GRIN2B: variants seen among roughly 807,000 people sequenced by gnomAD.
The protein encoded by GRIN2B is glutamate receptor ionotropic, NMDA 2B.
A neutral mutation model predicts 114.5 loss-of-function variants in GRIN2B; 5 were observed. The ratio of observed to expected loss-of-function variants is 0.04; its 90% CI spans 0.02 to 0.09. The LOEUF (loss-of-function observed/expected upper bound fraction) is 0.09. Ranked by LOEUF, GRIN2B falls within the 10% of genes least tolerant of loss-of-function variation. The probability of loss-of-function intolerance (pLI) is 1.00; values close to 1 mark genes in which losing one functional copy is unlikely to be tolerated. For missense variants in GRIN2B, 1,108 were observed against 1,943.5 expected (o/e 0.57, Z 8.08); for synonymous variants, 787 against 745.1 (o/e 1.06, Z -0.92).
intron 5 of GRIN2B, among the ~76,000 whole-genome samples, chr12:13,651,130 A>C (rs374773740): frequency 1.2e-3 from 183 of 152,218 alleles, no homozygotes; most frequent in African/African-American, 4.1e-3. Flanking sequence ...CAAGAGAGAT[A>C]GCAAGAATAC....
intron 3 of GRIN2B, among the ~76,000 whole-genome samples, chr12:13,774,196 C>T (rs557934756): frequency 3.6e-4 from 55 of 152,336 alleles, no homozygotes; most frequent in African/African-American, 1.3e-3. Flanking sequence ...GATGTGATTT[C>T]TCTTTATACC....
At chr12:13,635,116 A>G (rs1265820826) in intron 5 of GRIN2B, among the ~76,000 whole-genome samples, 1 of 152,204 alleles carries the variant, frequency 6.6e-6, no homozygotes, top group Non-Finnish European at 1.5e-5. Context: ...GCCTGGGCCA[A>G]CAGAGGGTCC....
intron 2 of GRIN2B, among the ~76,000 whole-genome samples, chr12:13,918,367 T>C (rs961038385): frequency 2.6e-5 from 4 of 152,180 alleles, no homozygotes; most frequent in African/African-American, 9.7e-5. Flanking sequence ...ACTGCACCAC[T>C]GTACTCCAGC....
intron 3 of GRIN2B, among the ~76,000 whole-genome samples, chr12:13,856,055 A>C (rs1441570427): frequency 6.6e-6 from 1 of 152,248 alleles, no homozygotes; most frequent in Non-Finnish European, 1.5e-5. Flanking sequence ...CAGGTGACGC[A>C]CAAGAAAAGA....
chr12:13,731,307 C>A (rs556633806), intron 4 of GRIN2B, among the ~76,000 whole-genome samples: 1 of 152,234 alleles, frequency 6.6e-6, no homozygotes, highest in Admixed American at 6.5e-5. Context: ...CTATCATCAT[C>A]CCTTCAATCT....
At chr12:13,634,208 G>C (rs1169991759) in intron 5 of GRIN2B, 1 of 152,152 alleles carries the variant, frequency 6.6e-6, no homozygotes, top group African/African-American at 2.4e-5. Flanking sequence ...CAGGGGATAC[G>C]GTAGGGGATA....
At chr12:13,863,485 A>C (rs954916149) in intron 3 of GRIN2B, among the ~76,000 whole-genome samples, 1 of 152,170 alleles carries the variant, frequency 6.6e-6, no homozygotes, top group African/African-American at 2.4e-5. Flanking sequence ...GCTTCCACTT[A>C]AGAGCTGTAG....
At chr12:13,913,207 C>T (rs1054562232) in intron 2 of GRIN2B, among the ~76,000 whole-genome samples, 12 of 152,116 alleles carry the variant, frequency 7.9e-5, no homozygotes, top group African/African-American at 2.7e-4. Flanking sequence ...CCTTTTCTTT[C>T]CTAAAACAAA....
intron 5 of GRIN2B, among the ~76,000 whole-genome samples, chr12:13,671,242 T>G (rs1950019313): frequency 6.6e-6 from 1 of 152,182 alleles, no homozygotes; most frequent in Non-Finnish European, 1.5e-5. Flanking sequence ...TCAGTGACTA[T>G]TCACTGATGT....
Position 13,557,948 on chromosome 12 carries a change from G to A in GRIN2B, c.*4835C>T, listed in dbSNP as rs1026119218. ...AGCTCAGTGCTAAAGCAACAAATCTGTGTGGGAAGGTGGTAGTTGCAGTGG... is the reference window on the plus strand; with the variant it reads ...AGCTCAGTGCTAAAGCAACAAATCTATGTGGGAAGGTGGTAGTTGCAGTGG... On this transcript the variant is annotated 3_prime_UTR_variant, in exon 14 of 14. Coordinates refer to ENST00000609686, the MANE Select transcript of GRIN2B (RefSeq NM_000834.5). 1 of 152,242 alleles carries A rather than the reference G, an allele frequency of 6.6e-6. No homozygotes were observed. Among genetic ancestry groups the A allele is most frequent in the African/African-American group, 2.4e-5 (1 of 41,460 alleles). 9.4% of individuals were successfully genotyped at this position (152,242 alleles called of 1,614,324 possible).
At position 13,656,349 on chromosome 12, in the gene GRIN2B, C is replaced by T. The variant is rs189292571; in HGVS notation, c.1125+19396G>A. Among the ~76,000 whole-genome samples, 885 of 152,242 alleles carry T rather than the reference C, an allele frequency of 5.8e-3. 3 individuals carry two copies. Among genetic ancestry groups the T allele is most frequent in the Non-Finnish European group, 9.4e-3 (640 of 68,012 alleles). On this transcript the variant is annotated intron_variant, in intron 5 of 13. Transcript: ENST00000609686. Reference sequence around the variant, plus strand: ...AATAAAACGAACAAACAAAAAGAGACTGTTTTGCAGTGGGGTAGGGAACAC... The same window carrying T: ...AATAAAACGAACAAACAAAAAGAGATTGTTTTGCAGTGGGGTAGGGAACAC...
At chr12:13,870,541 C>A (rs1865888500) in intron 2 of GRIN2B, among the ~76,000 whole-genome samples, 1 of 152,152 alleles carries the variant, frequency 6.6e-6, no homozygotes. Context: ...AGGGAAGATA[C>A]ATCTGGGTGA....
chr12:13,703,588 CACAT>C (rs1338688047), intron 4 of GRIN2B, among the ~76,000 whole-genome samples: 1 of 152,132 alleles, frequency 6.6e-6, no homozygotes, highest in Non-Finnish European at 1.5e-5. Flanking sequence ...TCTCTCTCTA[CACAT>C]ACACACACAA....
intron 2 of GRIN2B, among the ~76,000 whole-genome samples, chr12:13,869,699 T>C (rs1865877224): frequency 6.6e-6 from 1 of 152,196 alleles, no homozygotes; most frequent in Non-Finnish European, 1.5e-5. Context: ...TCCAAAGCCC[T>C]TGCTCTTTCC....
intron 4 of GRIN2B, among the ~76,000 whole-genome samples, chr12:13,696,385 T>C (rs990001825): frequency 1.2e-4 from 18 of 152,202 alleles, no homozygotes; most frequent in Non-Finnish European, 2.6e-4. Context: ...TTCAGCCTTC[T>C]CAAAATCACC....
intron 2 of GRIN2B, among the ~76,000 whole-genome samples, chr12:13,881,724 AC>A (rs1166347161): frequency 5.9e-5 from 9 of 152,104 alleles, no homozygotes; most frequent in Admixed American, 1.3e-4. Context: ...TTTTCCAACA[AC>A]CATCTTTTCT....
intron 5 of GRIN2B, among the ~76,000 whole-genome samples, chr12:13,647,877 C>T (rs1949776529): frequency 6.6e-6 from 1 of 152,102 alleles, no homozygotes; most frequent in African/African-American, 2.4e-5. Flanking sequence ...ATGAATCCCG[C>T]AGCTTCTCCT....
chr12:13,729,673 T>G (rs543301821), intron 4 of GRIN2B, among the ~76,000 whole-genome samples: 2 of 152,118 alleles, frequency 1.3e-5, no homozygotes, highest in South Asian at 4.2e-4. Flanking sequence ...AAGAAATAGC[T>G]GAAAGAGATG....
intron 2 of GRIN2B, among the ~76,000 whole-genome samples, chr12:13,963,774 T>C (rs1310127403): frequency 6.6e-6 from 1 of 152,166 alleles, no homozygotes; most frequent in Non-Finnish European, 1.5e-5. Context: ...TACTTCTAGA[T>C]GTTGAATATT....
Sources: gnomAD v4.1 joint callset for allele counts (sites outside exome capture counted in the v4.1 genomes callset) on GRCh38, gnomAD v4.1.1 for gene constraint, MANE v1.5 for transcripts, NCBI Gene and HGNC (gene_info 2026-07-23, HGNC 2026-07-21) for gene names.